Variants in PLD2 observed in about 807,000 individuals in gnomAD.
PLD2 encodes the protein phospholipase D2.
In PLD2, 101 loss-of-function variants were observed where a neutral mutation model predicts 119.8. That is an observed-to-expected ratio of 0.84 (90% CI 0.72 to 0.99). The LOEUF (loss-of-function observed/expected upper bound fraction) is 0.99, where lower values mean the gene tolerates loss of function less well. PLD2 is among the 50% of genes least tolerant of loss of function. The pLI, the probability that PLD2 is intolerant of heterozygous loss-of-function variation, is 0.00. For missense variants in PLD2, 1,164 were observed against 1,226.8 expected (o/e 0.95, Z 0.76); for synonymous variants, 494 against 482.8 (o/e 1.02, Z -0.30).
At chr17:4,814,733 C>T (rs1306312922) in intron 12 of PLD2, 22 bp downstream of exon 12, 3 of 1,608,944 alleles carry the variant, frequency 1.9e-6, no homozygotes. Context: ...GGTCAGGCCG[C>T]AGGGGGAGGG....
rs780394033 is a variant in PLD2 at position 4,818,519 on chromosome 17, G to C, written c.2035G>C (p.Val679Leu). Residue 679 changes from valine to leucine, a missense_variant, in exon 20 of 25, where the codon GTG (valine) becomes CTG (leucine). Coordinates refer to ENST00000263088, the MANE Select transcript of PLD2 (RefSeq NM_002663.5). ...HKQGWCYRVY[V>L]LLPLLPGFEG... Reference sequence around the variant, plus strand: ...ACAGGGGTGGTGTTACCGAGTCTACGTGCTTTTGCCCTTACTCCCTGGCTT... The same window carrying C: ...ACAGGGGTGGTGTTACCGAGTCTACCTGCTTTTGCCCTTACTCCCTGGCTT... 2.9e-5 allele frequency: 46 copies of C among 1,613,788 alleles called. No individual in the cohort carries two copies. Among genetic ancestry groups the C allele is most frequent in the Non-Finnish European group, 3.8e-5 (45 of 1,179,870 alleles).
intron 15 of PLD2, 43 bp from the exon 16 acceptor site, chr17:4,816,894 G>T: frequency 1.3e-6 from 2 of 1,587,828 alleles, no homozygotes; most frequent in Non-Finnish European, 1.7e-6. Context: ...GTCCCAAGGA[G>T]TCCAGCCCTG....
At chr17:4,817,284 C>A (rs1199342886) in intron 17 of PLD2, 25 bp downstream of exon 17, 1 of 1,455,462 alleles carries the variant, frequency 6.9e-7, no homozygotes, top group Non-Finnish European at 9.7e-7. Flanking sequence ...TTCAGCCAGC[C>A]CTCCCCTTTG....
In PLD2 at chr17:4,809,377, G is replaced by A. The variant is rs1009182593; in HGVS notation, c.555+14G>A. On this transcript the variant is annotated intron_variant, in intron 6 of 24. Coordinates refer to ENST00000263088, the MANE Select transcript of PLD2 (RefSeq NM_002663.5). The stretch of plus-strand genomic sequence containing the variant: ...TACCATGCCATGGTAAGGTCCAGGG[G>A]CCGATTTTAGATGTGGAGCAGGATT... 2 of 1,613,814 alleles carry A rather than the reference G, an allele frequency of 1.2e-6. No individual in the cohort carries two copies. Among genetic ancestry groups the A allele is most frequent in the African/African-American group, 2.7e-5 (2 of 74,942 alleles).
At chr17:4,809,472 G>A in intron 6 of PLD2, 21 bp from the exon 7 acceptor site, 2 of 1,608,222 alleles carry the variant, frequency 1.2e-6, no homozygotes, top group African/African-American at 1.3e-5. Flanking sequence ...GTCTCCTCCG[G>A]GCTTTTGTTT....
intron 14 of PLD2, among the ~76,000 whole-genome samples, chr17:4,816,176 G>T (rs1205151786): frequency 6.6e-6 from 1 of 152,154 alleles, no homozygotes; most frequent in East Asian, 1.9e-4. Flanking sequence ...GAGGTCTGGA[G>T]TTCGAGACCA....
Position 4,810,070 on chromosome 17 carries a change from A to G in PLD2, c.860+41A>G, listed in dbSNP as rs770987863. ...GGTGAGAGACACCAGCTGAGTGGTGAGCCCACCCACGGCCTTGCTGGGAGT... is the reference window on the plus strand; with the variant it reads ...GGTGAGAGACACCAGCTGAGTGGTGGGCCCACCCACGGCCTTGCTGGGAGT... On this transcript the variant is annotated intron_variant, in intron 9 of 24. Coordinates refer to ENST00000263088, the MANE Select transcript of PLD2 (RefSeq NM_002663.5). The G allele has an allele frequency of 1.8e-5, 29 of 1,603,232 alleles. No homozygotes were observed. The South Asian group carries it at 3.2e-4, about 18-fold the overall frequency.
At chr17:4,817,300 T>G in intron 17 of PLD2, 41 bp downstream of exon 17, 1 of 1,305,378 alleles carries the variant, frequency 7.7e-7, no homozygotes, top group Non-Finnish European at 1.1e-6. Flanking sequence ...CTTTGTCTCC[T>G]TCAGCCTAAC....
Position 4,818,616 on chromosome 17 carries a change from C to A in PLD2, c.2123+9C>A, listed in dbSNP as rs372058521. 1.3e-6 allele frequency: 2 copies of A among 1,598,814 alleles called. No individual in the cohort carries two copies. Among genetic ancestry groups the A allele is most frequent in the African/African-American group, 1.3e-5 (1 of 74,722 alleles). ...CTGCACTTTACTTACAGGTGACCCC[C>A]CAGGCGGACTCCAGCTCTCAGTGGC... On this transcript the variant is annotated intron_variant, in intron 20 of 24. Transcript: ENST00000263088.
Position 4,814,427 on chromosome 17 carries a change from T to C in PLD2, c.1020T>C (p.Asn340=), listed in dbSNP as rs770291159. ...RPGTLARWFV[N]GAGYFAAVAD... ...CTTGGCCTCCCCCCAGGTTTGTGAA[T>C]GGGGCAGGTTACTTTGCTGCTGTGG... Residue 340 remains asparagine (N), a synonymous_variant, in exon 11 of 25, where the codon AAT becomes AAC. Coordinates refer to ENST00000263088, the MANE Select transcript of PLD2 (RefSeq NM_002663.5). The C allele has an allele frequency of 2.5e-6, 4 of 1,611,220 alleles. No individual in the cohort carries two copies. The highest frequency in any genetic ancestry group is 3.4e-6 in the Non-Finnish European group (4 of 1,179,246).
In PLD2 at chr17:4,819,606, AG is replaced by A; in HGVS notation, c.2462+27del. 6 of 1,584,092 alleles carry A rather than the reference AG, an allele frequency of 3.8e-6. No homozygotes were observed. The highest frequency in any genetic ancestry group is 5.2e-6 in the Non-Finnish European group (6 of 1,162,950). On this transcript the variant is annotated intron_variant, in intron 23 of 24. Coordinates refer to ENST00000263088, the MANE Select transcript of PLD2 (RefSeq NM_002663.5). This position sits in a 1 kb window ranked among gnomAD's most constrained non-coding sequence, Gnocchi z 4.2. ...GGGTAGAGCTGGGGCGGGATGCCAC[AG>A]GGTGGGAGGGAGATGGGGGCGTCTG...
At position 4,809,974 on chromosome 17, in the gene PLD2, G is replaced by A; in HGVS notation, c.805G>A (p.Val269Met). 2 of 1,614,130 alleles carry A rather than the reference G, an allele frequency of 1.2e-6. No individual in the cohort carries two copies. Among genetic ancestry groups the A allele is most frequent in the Non-Finnish European group, 1.7e-6 (2 of 1,180,044 alleles). Residue 269 changes from valine (V) to methionine (M), a missense_variant, in exon 9 of 25, where the codon GTG becomes ATG. Transcript: ENST00000263088. ...QLFDPGFEVQ[V>M]GKRSTEARHG... ...CTTTGACCCTGGCTTTGAGGTGCAA[G>A]TGGGGAAAAGGAGCACGGAGGCACG...
rs754372361 is a variant in PLD2 at position 4,817,051 on chromosome 17, C to T, written c.1697C>T (p.Thr566Ile). The change falls in exon 16 of 25, where the codon ACC becomes ATC. Residue 566 changes from threonine to isoleucine, a missense_variant. Coordinates refer to ENST00000263088, the MANE Select transcript of PLD2 (RefSeq NM_002663.5). The stretch of plus-strand genomic sequence containing the variant: ...CACTTCATCCAGCGCTGGAACTTCA[C>T]CAAGGTGTTCATTCCCTCCGATAGG... ...ARHFIQRWNFTKTTKAKYKTP... is the reference protein window; with the variant it reads ...ARHFIQRWNFIKTTKAKYKTP... The T allele has an allele frequency of 4.4e-5, 71 of 1,613,160 alleles. No homozygotes were observed. In the South Asian group the frequency reaches 6.7e-4, roughly 15 times the overall value.
intron 14 of PLD2, among the ~76,000 whole-genome samples, chr17:4,816,323 C>T (rs1365054608): frequency 1.3e-5 from 2 of 151,014 alleles, no homozygotes; most frequent in Non-Finnish European, 2.9e-5. Flanking sequence ...GCGGAGGTTG[C>T]AGTGAGCCGA....
rs1705502501 is a variant in PLD2, at chr17:4,807,977, C to T, written c.110-7C>T. 6.2e-7 allele frequency: 1 copy of T among 1,606,746 alleles called. No homozygotes were observed. Among genetic ancestry groups the T allele is most frequent in the Admixed American group, 1.7e-5 (1 of 59,818 alleles). On this transcript the variant is annotated splice_polypyrimidine_tract_variant and splice_region_variant and intron_variant, in intron 2 of 24. Coordinates refer to ENST00000263088, the MANE Select transcript of PLD2 (RefSeq NM_002663.5). The surrounding 1 kb of genome is among the most constrained non-coding windows in gnomAD (Gnocchi z 5.4). ...GGTCTACACTCCTCGACTTTCTTTC[C>T]TCCCAGCCGACCGGATGCACCCGTT...
intron 9 of PLD2, among the ~76,000 whole-genome samples, 184 bp downstream of exon 9, chr17:4,810,213 G>C (rs980405146): frequency 1.3e-5 from 2 of 152,222 alleles, no homozygotes; most frequent in African/African-American, 4.8e-5. Flanking sequence ...ACTGGGCCCA[G>C]AGAAAGGGGA....
chr17:4,815,745 C>A lies in PLD2; in HGVS notation c.1285-19C>A. The A allele has an allele frequency of 6.2e-7, 1 of 1,612,536 alleles. No homozygotes were observed. The highest frequency in any genetic ancestry group is 8.5e-7 in the Non-Finnish European group (1 of 1,179,008). ...CTTCACCTAAACCCACCCTCATGAA[C>A]CCTCCATGCCTGCTCCAGGTGATGC... On this transcript the variant is annotated intron_variant, in intron 13 of 24. Transcript: ENST00000263088.
chr17:4,821,355 A>T (rs12936266), intron 23 of PLD2, among the ~76,000 whole-genome samples: 29,817 of 152,118 alleles, frequency 0.2, 3,014 homozygotes, highest in Non-Finnish European at 0.22. Context: ...GGCTTCTTTT[A>T]CACTTATTTT....
At chr17:4,811,297 C>CTTTTTTTTTTTTTTTTTTTTTTTTTTT (rs35190261) in intron 10 of PLD2, among the ~76,000 whole-genome samples, 1 of 77,850 alleles carries the variant, frequency 1.3e-5, no homozygotes, top group Non-Finnish European at 2.5e-5. Flanking sequence ...ATTTTCTTTT[C>CTTTTTTTTTTTTTTTTTTTTTTTTTTT]TTTTTTTTTT....
Sources: allele counts gnomAD v4.1 joint callset (sites outside exome capture counted in the v4.1 genomes callset), GRCh38; gene constraint gnomAD v4.1.1; non-coding constraint Gnocchi (gnomAD v3.1); transcripts MANE v1.5; gene names NCBI Gene and HGNC (gene_info 2026-07-23, HGNC 2026-07-21).